STAC: variants seen among roughly 807,000 people sequenced by gnomAD.
STAC encodes the protein SH3 and cysteine rich domain, also known as SH3 and cysteine-rich domain-containing protein.
Under a neutral mutation model 48.8 loss-of-function variants are expected in STAC, and 43 were observed. That is an observed-to-expected ratio of 0.88 (90% CI 0.69 to 1.14). The LOEUF is 1.14. Among genes scored for constraint, STAC ranks in the 50% most tolerant of loss-of-function variants. STAC has a pLI of 0.00. For synonymous variants in STAC, 193 were observed against 179.5 expected (o/e 1.07, Z -0.60); for missense variants, 497 against 504.0 (o/e 0.99, Z 0.13).
chr3:36,504,677 C>A (rs1313580140), intron 7 of STAC, among the ~76,000 whole-genome samples: 1 of 152,008 alleles, frequency 6.6e-6, no homozygotes, highest in East Asian at 1.9e-4. Context: ...CCTTTTGTTT[C>A]TGTTATATAA....
chr3:36,531,560 G>A (rs1271224228), intron 10 of STAC, among the ~76,000 whole-genome samples: 1 of 152,174 alleles, frequency 6.6e-6, no homozygotes, highest in Non-Finnish European at 1.5e-5. Context: ...CAGAGTACCA[G>A]ATGTGATCTA....
At chr3:36,487,696 G>A (rs568947871) in intron 5 of STAC, among the ~76,000 whole-genome samples, 1 of 152,190 alleles carries the variant, frequency 6.6e-6, no homozygotes, top group African/African-American at 2.4e-5. Flanking sequence ...ATTTTATTAA[G>A]ATTGAGAACG....
At position 36,547,829 on chromosome 3, in the gene STAC, C is replaced by T. The variant is rs780610042; in HGVS notation, c.*1540C>T. Reference sequence around the variant, plus strand: ...AAAGCCAGCATCCAGAATTTCCTCCCTCTCTGATGCCACATGCAAAACCAG... The same window carrying T: ...AAAGCCAGCATCCAGAATTTCCTCCTTCTCTGATGCCACATGCAAAACCAG... On this transcript the variant is annotated 3_prime_UTR_variant, in exon 11 of 11. Transcript: ENST00000273183. The T allele has an allele frequency of 6.6e-5, 10 of 152,178 alleles. No individual in the cohort carries two copies. The highest frequency in any genetic ancestry group is 2.0e-4 in the Admixed American group (3 of 15,270). 9.4% of individuals were successfully genotyped at this position (152,178 alleles called of 1,614,324 possible).
chr3:36,407,519 AG>A (rs1700108940), intron 1 of STAC, among the ~76,000 whole-genome samples: 1 of 152,256 alleles, frequency 6.6e-6, no homozygotes, highest in South Asian at 2.1e-4. Context: ...GCTTTGGGCC[AG>A]CCCCAGAAGA....
chr3:36,400,897 G>C (rs769077880), intron 1 of STAC, among the ~76,000 whole-genome samples: 9 of 152,136 alleles, frequency 5.9e-5, no homozygotes, highest in Non-Finnish European at 1.0e-4. Context: ...TCCGATTATA[G>C]CCTCTGTCAC....
intron 1 of STAC, among the ~76,000 whole-genome samples, chr3:36,441,562 G>A (rs931691742): frequency 6.6e-6 from 1 of 152,178 alleles, no homozygotes; most frequent in African/African-American, 2.4e-5. Flanking sequence ...ACATGGGGGT[G>A]CAGATGTCTC....
intron 5 of STAC, among the ~76,000 whole-genome samples, chr3:36,492,324 A>G (rs553863924): frequency 3.2e-4 from 48 of 152,174 alleles, no homozygotes; most frequent in Non-Finnish European, 5.7e-4. Context: ...GCTTTAGCAC[A>G]CCAATGAATA....
chr3:36,382,883 T>A (rs56722971), intron 1 of STAC, among the ~76,000 whole-genome samples: 29,195 of 152,182 alleles, frequency 0.19, 3,420 homozygotes, highest in Non-Finnish European at 0.24. Flanking sequence ...GACAGTAATA[T>A]GCATTCCATC....
chr3:36,420,083 C>A (rs1700413300), intron 1 of STAC, among the ~76,000 whole-genome samples: 1 of 152,074 alleles, frequency 6.6e-6, no homozygotes, highest in East Asian at 1.9e-4. Context: ...TTTTAAAATT[C>A]TATTTAACAC....
At chr3:36,529,132 G>A in intron 10 of STAC, 147 bp downstream of exon 10, 1 of 861,468 alleles carries the variant, frequency 1.2e-6, no homozygotes, top group Non-Finnish European at 1.6e-6. Context: ...AATGATGTCA[G>A]TGTTGTAGGA....
intron 1 of STAC, among the ~76,000 whole-genome samples, chr3:36,426,400 T>C (rs902257680): frequency 2.8e-4 from 43 of 152,248 alleles, no homozygotes; most frequent in Admixed American, 7.9e-4. Flanking sequence ...CCAAGCAGCC[T>C]TTAAAGCTGC....
At chr3:36,442,591 C>T (rs1466226596) in intron 1 of STAC, among the ~76,000 whole-genome samples, 3 of 152,160 alleles carry the variant, frequency 2.0e-5, no homozygotes, top group African/African-American at 7.2e-5. Flanking sequence ...CTGCCAGAAT[C>T]TTGTGCTTTT....
Position 36,464,234 on chromosome 3 carries a change from C to T in STAC, c.389-18758C>T, listed in dbSNP as rs993349402. Among the ~76,000 whole-genome samples the T allele has an allele frequency of 2.0e-5, 3 of 152,154 alleles. No individual in the cohort carries two copies. The South Asian group carries it at 6.2e-4, about 31-fold the overall frequency. Reference sequence around the variant, plus strand: ...TTCTAACTGGTGTGAGATGGTATCTCATTGTGGTTTTGATTTGCATTTCTC... The same window carrying T: ...TTCTAACTGGTGTGAGATGGTATCTTATTGTGGTTTTGATTTGCATTTCTC... On this transcript the variant is annotated intron_variant, in intron 2 of 10. Transcript: ENST00000273183.
At chr3:36,500,981 A>G (rs1318257400) in intron 6 of STAC, among the ~76,000 whole-genome samples, 1 of 152,104 alleles carries the variant, frequency 6.6e-6, no homozygotes, top group East Asian at 1.9e-4. Context: ...TAGTCCAGCT[A>G]CTGTGGAAGC....
chr3:36,516,575 C>T (rs188624134), intron 8 of STAC, among the ~76,000 whole-genome samples: 252 of 152,232 alleles, frequency 1.7e-3, no homozygotes, highest in African/African-American at 5.7e-3. Context: ...ACCTAAACCT[C>T]TGGAGGTAAT....
At chr3:36,538,925 G>C (rs1375390309) in intron 10 of STAC, among the ~76,000 whole-genome samples, 2 of 152,054 alleles carry the variant, frequency 1.3e-5, no homozygotes, top group Non-Finnish European at 2.9e-5. Context: ...CACTCTCAAT[G>C]CCTCTTTCTC....
intron 1 of STAC, among the ~76,000 whole-genome samples, chr3:36,418,935 T>G (rs182307425): frequency 0.011 from 1,590 of 151,010 alleles, 14 homozygotes; most frequent in Non-Finnish European, 0.017. Flanking sequence ...TACTCCCAGC[T>G]ACCCGGGAGG....
chr3:36,425,585 A>T (rs1700543959), intron 1 of STAC, among the ~76,000 whole-genome samples: 1 of 152,252 alleles, frequency 6.6e-6, no homozygotes, highest in Non-Finnish European at 1.5e-5. Context: ...TGATAGTTTT[A>T]TATCAGTGTT....
chr3:36,527,794 G>T (rs1698970506), intron 8 of STAC, among the ~76,000 whole-genome samples: 1 of 152,116 alleles, frequency 6.6e-6, no homozygotes, highest in African/African-American at 2.4e-5. Context: ...TTAGTCTTCA[G>T]CCAAACCCAA....
Sources: allele counts gnomAD v4.1 joint callset (sites outside exome capture counted in the v4.1 genomes callset), GRCh38; gene constraint gnomAD v4.1.1; transcripts MANE v1.5; gene names NCBI Gene and HGNC (gene_info 2026-07-23, HGNC 2026-07-21).